CDH12: variants seen among roughly 807,000 people sequenced by gnomAD.
CDH12 encodes the protein cadherin 12.
CDH12 carries 41 observed loss-of-function variants against 74.1 expected under a neutral mutation model. The observed-to-expected ratio is 0.55, with a 90% CI of 0.43 to 0.72. The LOEUF (loss-of-function observed/expected upper bound fraction) is 0.72, where lower values mean the gene tolerates loss of function less well. Among genes scored for constraint, CDH12 ranks in the 30% least tolerant of loss-of-function variants. CDH12 has a pLI of 0.00. For synonymous variants in CDH12, 399 were observed against 355.0 expected, an observed-to-expected ratio of 1.12 and a Z score of -1.39; for missense variants, 945 against 977.2, an observed-to-expected ratio of 0.97 and a Z score of 0.44.
chr5:22,459,953 G>A (rs111694356), intron 2 of CDH12, among the ~76,000 whole-genome samples: 1 of 152,126 alleles, frequency 6.6e-6, no homozygotes, highest in Admixed American at 6.5e-5. Context: ...GGGCAACAGA[G>A]TGAGGCTTCA....
chr5:22,668,789 G>A (rs1740756592), intron 1 of CDH12, among the ~76,000 whole-genome samples: 1 of 152,124 alleles, frequency 6.6e-6, no homozygotes, highest in Non-Finnish European at 1.5e-5. Flanking sequence ...TAGCAGCTGT[G>A]TCTGTTGATT....
rs147227999 is a variant in CDH12 at position 22,481,716 on chromosome 5, C to G, written c.-428+23554G>C. The stretch of plus-strand genomic sequence containing the variant: ...GATGGAAGGAAGACATAAGGAGTCA[C>G]TTTTAATGAGTGTAAAGTGTCAGTA... On this transcript the variant is annotated intron_variant, in intron 2 of 14. Transcript: ENST00000382254. Among the ~76,000 whole-genome samples the G allele has an allele frequency of 1.1e-4, 17 of 152,258 alleles. 1 individual carries two copies. Among genetic ancestry groups the G allele is most frequent in the Admixed American group, 6.5e-4 (10 of 15,296 alleles).
At chr5:22,734,478 AT>A (rs1193822487) in intron 1 of CDH12, among the ~76,000 whole-genome samples, 1 of 151,962 alleles carries the variant, frequency 6.6e-6, no homozygotes, top group Non-Finnish European at 1.5e-5. Flanking sequence ...TGTTTATAGC[AT>A]TTTTCACATT....
chr5:21,824,836 T>G (rs1304960161), intron 8 of CDH12, among the ~76,000 whole-genome samples: 5 of 151,986 alleles, frequency 3.3e-5, no homozygotes, highest in Non-Finnish European at 5.9e-5. Flanking sequence ...TACTTCACAC[T>G]CTACAAAACA....
At chr5:22,294,535 T>C (rs936259090) in intron 3 of CDH12, among the ~76,000 whole-genome samples, 3 of 152,186 alleles carry the variant, frequency 2.0e-5, no homozygotes, top group African/African-American at 7.2e-5. Flanking sequence ...TACATGCTCT[T>C]ACACAAGGAA....
chr5:21,840,857 C>G (rs1225058339), intron 8 of CDH12, among the ~76,000 whole-genome samples: 1 of 152,110 alleles, frequency 6.6e-6, no homozygotes, highest in African/African-American at 2.4e-5. Context: ...AAAACCAATT[C>G]AAGATGGATT....
At chr5:22,800,708 C>T (rs1033341947) in intron 1 of CDH12, among the ~76,000 whole-genome samples, 1 of 152,120 alleles carries the variant, frequency 6.6e-6, no homozygotes, top group Non-Finnish European at 1.5e-5. Flanking sequence ...TCATACCTCT[C>T]TCCTAATTGC....
intron 3 of CDH12, among the ~76,000 whole-genome samples, chr5:22,237,926 G>A (rs1752616584): frequency 6.6e-6 from 1 of 152,136 alleles, no homozygotes; most frequent in Admixed American, 6.5e-5. Context: ...TCTTGTATTT[G>A]TAGTGTAGAC....
intron 1 of CDH12, among the ~76,000 whole-genome samples, chr5:22,785,296 G>T (rs1201821976): frequency 1.3e-5 from 2 of 152,014 alleles, no homozygotes; most frequent in Admixed American, 6.6e-5. Flanking sequence ...CTTTTACATT[G>T]TTATTTATTA....
At chr5:22,531,638 A>AT (rs1231047314) in intron 1 of CDH12, among the ~76,000 whole-genome samples, 1 of 152,124 alleles carries the variant, frequency 6.6e-6, no homozygotes, top group Non-Finnish European at 1.5e-5. Context: ...TTATAATGGT[A>AT]TTTTTTATAA....
intron 2 of CDH12, among the ~76,000 whole-genome samples, chr5:22,409,879 G>A (rs553343874): frequency 2.4e-4 from 36 of 152,084 alleles, no homozygotes; most frequent in African/African-American, 8.7e-4. Flanking sequence ...AAGGGTGTCT[G>A]GATCAATTAG....
At chr5:22,251,420 T>C (rs1315738327) in intron 3 of CDH12, among the ~76,000 whole-genome samples, 2 of 152,206 alleles carry the variant, frequency 1.3e-5, no homozygotes, top group African/African-American at 2.4e-5. Context: ...AACACCAGTG[T>C]ACACTGGAAT....
At chr5:22,427,996 T>C (rs1211961497) in intron 2 of CDH12, among the ~76,000 whole-genome samples, 1 of 152,222 alleles carries the variant, frequency 6.6e-6, no homozygotes, top group Admixed American at 6.5e-5. Context: ...ATCGAGGGAC[T>C]ACTAGTAGGT....
At chr5:21,770,955 T>C (rs1216242014) in intron 11 of CDH12, among the ~76,000 whole-genome samples, 2 of 152,054 alleles carry the variant, frequency 1.3e-5, no homozygotes, top group African/African-American at 4.8e-5. Flanking sequence ...CAAACTAACC[T>C]AAGAACAGAC....
At chr5:21,924,755 C>A (rs367552939) in intron 6 of CDH12, among the ~76,000 whole-genome samples, 4 of 152,192 alleles carry the variant, frequency 2.6e-5, no homozygotes. Context: ...TTGTGGCTTA[C>A]GGTTGAGGTG....
chr5:22,821,035 C>G (rs1393342263), intron 1 of CDH12, among the ~76,000 whole-genome samples: 4 of 152,090 alleles, frequency 2.6e-5, no homozygotes, highest in Non-Finnish European at 4.4e-5. Flanking sequence ...GCTTATCCAC[C>G]ATGATCAAGT....
intron 2 of CDH12, among the ~76,000 whole-genome samples, chr5:22,437,190 T>TA (rs1744432431): frequency 6.6e-6 from 1 of 151,966 alleles, no homozygotes; most frequent in Non-Finnish European, 1.5e-5. Flanking sequence ...ATAGATTATA[T>TA]AAAAAATTTA....
chr5:22,400,956 A>G (rs1198047394), intron 3 of CDH12, among the ~76,000 whole-genome samples: 2 of 152,144 alleles, frequency 1.3e-5, no homozygotes, highest in Non-Finnish European at 2.9e-5. Context: ...AATGTAAGAC[A>G]TTTTGTGCTT....
At chr5:21,808,143 C>G (rs970012384) in intron 9 of CDH12, among the ~76,000 whole-genome samples, 7 of 152,110 alleles carry the variant, frequency 4.6e-5, no homozygotes, top group Middle Eastern at 3.4e-3. Context: ...AAACACACAA[C>G]AACAATACAA....
Sources: allele counts gnomAD v4.1 joint callset (sites outside exome capture counted in the v4.1 genomes callset), GRCh38; gene constraint gnomAD v4.1.1; transcripts MANE v1.5; gene names NCBI Gene and HGNC (gene_info 2026-07-23, HGNC 2026-07-21).